The following BNIP2 variants were observed in gnomAD, a reference collection of about 807,000 sequenced individuals.
BNIP2 encodes the protein BCL2/adenovirus E1B 19 kDa protein-interacting protein 2.
In BNIP2, 36 loss-of-function variants were observed where a neutral mutation model predicts 43.4. The ratio of observed to expected loss-of-function variants is 0.83; its 90% CI spans 0.64 to 1.10. The LOEUF (loss-of-function observed/expected upper bound fraction) is 1.10. Among genes scored for constraint, BNIP2 ranks in the 50% least tolerant of loss-of-function variants. The pLI is 0.00. For synonymous variants in BNIP2, 146 were observed against 121.0 expected (o/e 1.21, Z -1.35); for missense variants, 417 against 374.1 (o/e 1.11, Z -0.95).
chr15:59,669,231 T>A, intron 8 of BNIP2, 45 bp downstream of exon 8: 1 of 1,338,142 alleles, frequency 7.5e-7, no homozygotes, highest in East Asian at 2.6e-5. Context: ...TAAAAATAAA[T>A]AAATAAAAAA....
rs199665907 is a variant in BNIP2 at position 59,678,105 on chromosome 15, T to C, written c.296-18A>G. On this transcript the variant is annotated intron_variant, in intron 4 of 9. Transcript: ENST00000607373. ...AAGATCATCTGTCAAAATACAAAGT[T>C]TTTGAATCACAAATTGTTACACAAC... is the stretch of plus-strand genomic sequence containing the variant. The C allele has an allele frequency of 2.0e-4, 321 of 1,591,646 alleles. No individual in the cohort carries two copies. Among genetic ancestry groups the C allele is most frequent in the Middle Eastern group, 3.3e-4 (2 of 5,974 alleles).
chr15:59,661,523 T>C lies in BNIP2; in HGVS notation c.*2546A>G, dbSNP rs1892273069. 1 of 152,094 alleles carries C rather than the reference T, an allele frequency of 6.6e-6. No homozygotes were observed. Among genetic ancestry groups the C allele is most frequent in the South Asian group, 2.1e-4 (1 of 4,828 alleles). 9.4% of individuals were successfully genotyped at this position (152,094 alleles called of 1,614,324 possible). A position where few individuals can be genotyped will look rare whatever the true frequency, so the allele number is the denominator to read the frequency against. ...GAGTTAAAGATTGTTAAGCTTAAAT[T>C]GTGGGGTGAATAGAACGTCTTCCCT... On this transcript the variant is annotated 3_prime_UTR_variant, in exon 10 of 10. Coordinates refer to ENST00000607373, the MANE Select transcript of BNIP2 (RefSeq NM_004330.4).
intron 1 of BNIP2, among the ~76,000 whole-genome samples, chr15:59,687,456 A>C (rs999646564): frequency 2.0e-5 from 3 of 150,424 alleles, no homozygotes; most frequent in Non-Finnish European, 2.9e-5. Context: ...GGTTCAAGTG[A>C]TTCTTGTGCC....
chr15:59,677,641 T>C (rs1893389927), intron 5 of BNIP2, among the ~76,000 whole-genome samples: 1 of 152,182 alleles, frequency 6.6e-6, no homozygotes, highest in Admixed American at 6.5e-5. Flanking sequence ...ACTTTGTTGA[T>C]GTTTGTGAAG....
chr15:59,688,663 G>C, intron 1 of BNIP2: 1 of 1,509,300 alleles, frequency 6.6e-7, no homozygotes, highest in Admixed American at 2.0e-5. Flanking sequence ...AGCGTACTAG[G>C]GAAGATCTAT....
chr15:59,676,875 C>T (rs943643858), intron 5 of BNIP2: 15 of 1,590,054 alleles, frequency 9.4e-6, no homozygotes, highest in South Asian at 2.3e-5. Context: ...TCGCTGCGTT[C>T]GCTCACCGCT....
At chr15:59,683,734 G>A (rs762725502) in intron 1 of BNIP2, among the ~76,000 whole-genome samples, 12 of 152,120 alleles carry the variant, frequency 7.9e-5, no homozygotes, top group African/African-American at 2.2e-4. Flanking sequence ...CAGGAGAATC[G>A]CTTGAACCTG....
At chr15:59,669,094 C>T (rs1892742645) in intron 8 of BNIP2, 104 bp from the exon 9 acceptor site, 12 of 1,183,216 alleles carry the variant, frequency 1.0e-5, no homozygotes, top group African/African-American at 4.7e-5. Flanking sequence ...GTTCAAAACA[C>T]AAAAAGATGA....
rs749968673 is a variant in BNIP2, at chr15:59,669,352, T to G, written c.718A>C (p.Asn240His). The change falls in exon 8 of 10, where the codon AAT becomes CAT. Residue 240 changes from asparagine (N) to histidine (H), a missense_variant. Coordinates refer to ENST00000607373, the MANE Select transcript of BNIP2 (RefSeq NM_004330.4). ...TGTACAATGATTAGGGATTTTAGAT[T>G]TTTCCGTAACCTGGAGTTTAAAAAA... is the stretch of plus-strand genomic sequence containing the variant. ...YQQIDRRLRK[N>H]LKSLIIVHPS... 1 of 1,524,048 alleles carries G rather than the reference T, an allele frequency of 6.6e-7. No individual in the cohort carries two copies. The highest frequency in any genetic ancestry group is 1.4e-5 in the African/African-American group (1 of 70,652). 94.4% of individuals were successfully genotyped at this position (1,524,048 alleles called of 1,614,324 possible).
chr15:59,666,110 C>T (rs1471149302), intron 9 of BNIP2, among the ~76,000 whole-genome samples: 3 of 152,192 alleles, frequency 2.0e-5, no homozygotes, highest in African/African-American at 7.2e-5. Context: ...GCCACACTTG[C>T]ATCCAGTTGT....
chr15:59,661,390 GTCTTTATC>G lies in BNIP2; in HGVS notation c.*2671_*2678del, dbSNP rs1196085316. The G allele has an allele frequency of 6.7e-6, 1 of 149,814 alleles. No homozygotes were observed. Among genetic ancestry groups the G allele is most frequent in the Non-Finnish European group, 1.5e-5 (1 of 67,686 alleles). 9.3% of individuals were successfully genotyped at this position (149,814 alleles called of 1,614,324 possible). A position where few individuals can be genotyped will look rare whatever the true frequency, so the allele number is the denominator to read the frequency against. On this transcript the variant is annotated 3_prime_UTR_variant, in exon 10 of 10. Coordinates refer to ENST00000607373, the MANE Select transcript of BNIP2 (RefSeq NM_004330.4). Reference sequence around the variant, plus strand: ...CAGTGGCATCTTAGGTAACAACTATGTCTTTATCTCTTTATAAAGGTTTGCTTTCTCTT... The same window carrying G: ...CAGTGGCATCTTAGGTAACAACTATGTCTTTATAAAGGTTTGCTTTCTCTT...
At chr15:59,681,071 T>C (rs1262607802) in intron 2 of BNIP2, among the ~76,000 whole-genome samples, 2 of 152,248 alleles carry the variant, frequency 1.3e-5, no homozygotes, top group African/African-American at 2.4e-5. Context: ...TGATGTATGA[T>C]GCAATGTATG....
intron 5 of BNIP2, among the ~76,000 whole-genome samples, chr15:59,673,097 A>G (rs1893037076): frequency 1.3e-5 from 2 of 151,086 alleles, no homozygotes; most frequent in South Asian, 2.1e-4. Context: ...ATTTATTTCT[A>G]TGATGCTTAT....
chr15:59,676,784 A>G, intron 5 of BNIP2: 2 of 1,506,556 alleles, frequency 1.3e-6, no homozygotes, highest in Non-Finnish European at 1.8e-6. Context: ...CTTTTCGGAT[A>G]TCTGCGGTGG....
At chr15:59,672,135 T>G (rs1300387759) in intron 6 of BNIP2, 1 of 152,244 alleles carries the variant, frequency 6.6e-6, no homozygotes, top group Non-Finnish European at 1.5e-5. Flanking sequence ...AGTTTTAAAA[T>G]GACAATTTTT....
chr15:59,675,466 TGG>T (rs1416572058), intron 5 of BNIP2, among the ~76,000 whole-genome samples: 21 of 148,636 alleles, frequency 1.4e-4, no homozygotes, highest in Non-Finnish European at 3.1e-4. Context: ...AAAAATTAGC[TGG>T]GCATGGTGGC....
chr15:59,665,748 G>A (rs1037022732), intron 9 of BNIP2, among the ~76,000 whole-genome samples: 5 of 152,188 alleles, frequency 3.3e-5, no homozygotes, highest in Non-Finnish European at 7.3e-5. Flanking sequence ...ACCCTTCAAA[G>A]CTAACAGTCT....
chr15:59,688,777 AT>A, intron 1 of BNIP2: 3 of 1,535,708 alleles, frequency 2.0e-6, no homozygotes, highest in Non-Finnish European at 2.6e-6. Flanking sequence ...GACGCTGGTC[AT>A]AAATACTGAA....
intron 9 of BNIP2, chr15:59,668,068 A>C (rs1595688578): frequency 7.9e-7 from 1 of 1,273,272 alleles, no homozygotes; most frequent in Non-Finnish European, 1.0e-6. Context: ...CAAATGGACT[A>C]GTCTAGATGC....
Sources: gnomAD v4.1 joint callset for allele counts (sites outside exome capture counted in the v4.1 genomes callset) on GRCh38, gnomAD v4.1.1 for gene constraint, MANE v1.5 for transcripts, NCBI Gene and HGNC (gene_info 2026-07-23, HGNC 2026-07-21) for gene names.